The following A1CF variants were observed in gnomAD, a reference collection of about 807,000 sequenced individuals.
The protein encoded by A1CF is APOBEC1 complementation factor, also known as APOBEC-1 stimulating protein.
A neutral mutation model predicts 68.9 loss-of-function variants in A1CF; 48 were observed. The observed-to-expected ratio is 0.70, with a 90% CI of 0.55 to 0.89. The LOEUF is 0.89. A1CF is among the 40% of genes least tolerant of loss of function. The probability of loss-of-function intolerance (pLI) is 0.00; values close to 1 mark genes in which losing one functional copy is unlikely to be tolerated. For missense variants in A1CF, 653 were observed against 718.9 expected, an observed-to-expected ratio of 0.91 and a Z score of 1.05; for synonymous variants, 272 against 260.4, an observed-to-expected ratio of 1.04 and a Z score of -0.43.
At chr10:50,811,773 T>C (rs1029079791) in intron 10 of A1CF, among the ~76,000 whole-genome samples, 1 of 152,226 alleles carries the variant, frequency 6.6e-6, no homozygotes, top group African/African-American at 2.4e-5. Flanking sequence ...TTTTTTTGCT[T>C]AATGACAATA....
chr10:50,842,668 T>A (rs1839835498), intron 4 of A1CF, among the ~76,000 whole-genome samples: 1 of 152,174 alleles, frequency 6.6e-6, no homozygotes, highest in Non-Finnish European at 1.5e-5. Context: ...TCCTCTGAAA[T>A]CTCCATAGTT....
chr10:50,867,511 G>T (rs1841048689), intron 1 of A1CF, among the ~76,000 whole-genome samples: 1 of 152,162 alleles, frequency 6.6e-6, no homozygotes. Context: ...AGAGTGAAAT[G>T]ATAGACAATG....
At chr10:50,810,569 G>A (rs1838058037) in intron 11 of A1CF, among the ~76,000 whole-genome samples, 1 of 152,146 alleles carries the variant, frequency 6.6e-6, no homozygotes, top group South Asian at 2.1e-4. Context: ...CCACCTCTCA[G>A]GTTCAAGTGA....
chr10:50,881,076 G>A (rs1292113743), intron 1 of A1CF, among the ~76,000 whole-genome samples: 3 of 151,050 alleles, frequency 2.0e-5, no homozygotes, highest in African/African-American at 4.9e-5. Context: ...TGCAACCTTC[G>A]CCTCCTGGGT....
At position 50,828,144 on chromosome 10, in the gene A1CF, G is replaced by A; in HGVS notation, c.756C>T (p.Asn252=). 1.3e-6 allele frequency: 2 copies of A among 1,587,712 alleles called. No individual in the cohort carries two copies. The highest frequency in any genetic ancestry group is 1.7e-6 in the Non-Finnish European group (2 of 1,162,424). The change falls in exon 7 of 13, where the codon AAC becomes AAT. Residue 252 remains asparagine (N), a synonymous_variant. Transcript: ENST00000373997. ...TSEEMIEKEF[N]NIKPGAVERV... is the part of the protein sequence containing the mutation. ...TATATGTCCTACCTGGTTTGATATTGTTGAATTCCTTTTCAATCATCTCTT... is the reference window on the plus strand; with the variant it reads ...TATATGTCCTACCTGGTTTGATATTATTGAATTCCTTTTCAATCATCTCTT...
chr10:50,830,224 G>A (rs569242957), intron 6 of A1CF, among the ~76,000 whole-genome samples: 1 of 152,004 alleles, frequency 6.6e-6, no homozygotes, highest in Non-Finnish European at 1.5e-5. Context: ...TCTACACTCT[G>A]CTTATATGAA....
chr10:50,812,846 G>T (rs1838183043), intron 10 of A1CF, among the ~76,000 whole-genome samples: 1 of 152,198 alleles, frequency 6.6e-6, no homozygotes, highest in Non-Finnish European at 1.5e-5. Context: ...GTGAACAAAT[G>T]ATTGCTGTTT....
At chr10:50,821,483 G>A (rs772543468) in intron 7 of A1CF, among the ~76,000 whole-genome samples, 3 of 151,934 alleles carry the variant, frequency 2.0e-5, no homozygotes, top group African/African-American at 4.8e-5. Flanking sequence ...ATACCAACAC[G>A]AAGGAGTCTA....
At chr10:50,865,520 T>C (rs1840947644) in intron 1 of A1CF, among the ~76,000 whole-genome samples, 1 of 152,202 alleles carries the variant, frequency 6.6e-6, no homozygotes, top group Non-Finnish European at 1.5e-5. Flanking sequence ...AGGCAGAATT[T>C]CAAAACCAAC....
Position 50,799,483 on chromosome 10 carries a change from A to G in A1CF, c.*7246T>C, listed in dbSNP as rs1220284702. 3 of 152,194 alleles carry G rather than the reference A, an allele frequency of 2.0e-5. No homozygotes were observed. Among genetic ancestry groups the G allele is most frequent in the Non-Finnish European group, 2.9e-5 (2 of 68,016 alleles). The allele number at this position is 152,194 out of a possible 1,614,324, so 9.4% of individuals were successfully genotyped here. On this transcript the variant is annotated 3_prime_UTR_variant, in exon 13 of 13. Coordinates refer to ENST00000373997, the MANE Select transcript of A1CF (RefSeq NM_014576.4). ...AATTGCATCATCCAGGAATTATACA[A>G]TATTGCATTGTCTCTCATTTCATGT...
At position 50,802,142 on chromosome 10, in the gene A1CF, A is replaced by G. The variant is rs1837624722; in HGVS notation, c.*4587T>C. 1 of 152,176 alleles carries G rather than the reference A, an allele frequency of 6.6e-6. No individual in the cohort carries two copies. Among genetic ancestry groups the G allele is most frequent in the African/African-American group, 2.4e-5 (1 of 41,452 alleles). The allele number at this position is 152,176 out of a possible 1,614,324, so 9.4% of individuals were successfully genotyped here. A position where few individuals can be genotyped will look rare whatever the true frequency, so the allele number is the denominator to read the frequency against. On this transcript the variant is annotated 3_prime_UTR_variant, in exon 13 of 13. Coordinates refer to ENST00000373997, the MANE Select transcript of A1CF (RefSeq NM_014576.4). ...GAGTCAGAAAAATCTCATTTTCCTT[A>G]GTTTCACTCATTATAGCGCAACTTA...
intron 4 of A1CF, among the ~76,000 whole-genome samples, chr10:50,842,629 T>G (rs1250805424): frequency 6.6e-6 from 1 of 152,206 alleles, no homozygotes; most frequent in Non-Finnish European, 1.5e-5. Context: ...TGCAATTTTT[T>G]GATGTATATG....
At chr10:50,822,412 A>T (rs1029761147) in intron 7 of A1CF, among the ~76,000 whole-genome samples, 28 of 152,290 alleles carry the variant, frequency 1.8e-4, no homozygotes, top group African/African-American at 6.7e-4. Context: ...GGAAAAGAAG[A>T]GGGGGAAGTC....
At chr10:50,811,461 T>C (rs1564493948) in intron 10 of A1CF, among the ~76,000 whole-genome samples, 1 of 152,224 alleles carries the variant, frequency 6.6e-6, no homozygotes, top group Non-Finnish European at 1.5e-5. Context: ...ATTTTATGAT[T>C]TGTTTGGAAT....
intron 1 of A1CF, among the ~76,000 whole-genome samples, chr10:50,867,185 A>C (rs1361610762): frequency 6.6e-6 from 1 of 152,134 alleles, no homozygotes; most frequent in Non-Finnish European, 1.5e-5. Context: ...TATCCAAAGG[A>C]AAAGAAATCA....
Position 50,809,791 on chromosome 10 carries a change from C to T in A1CF, c.1609+103G>A, listed in dbSNP as rs148224951. On this transcript the variant is annotated intron_variant, in intron 12 of 12. Transcript: ENST00000373997. ...TCCCAAGGTTGTGCAAGTCAGATTGCTGTAAGTAGGGTACACAAACATTTC... is the reference window on the plus strand; with the variant it reads ...TCCCAAGGTTGTGCAAGTCAGATTGTTGTAAGTAGGGTACACAAACATTTC... The T allele has an allele frequency of 7.0e-4, 1,059 of 1,511,434 alleles. 4 individuals carry two copies. The African/African-American group carries it at 0.013, about 18-fold the overall frequency. The allele number at this position is 1,511,434 out of a possible 1,614,324, so 93.6% of individuals were successfully genotyped here.
In A1CF at chr10:50,844,088, GGT is replaced by G; in HGVS notation, c.132_133del (p.Pro45TrpfsTer8). On this transcript the variant is annotated frameshift_variant, in exon 4 of 13. Transcript: ENST00000373997. LOFTEE classifies it high-confidence loss of function. The stretch of plus-strand genomic sequence containing the variant: ...TTCAGGGGGTGCAGCATCCCAACCA[GGT>G]GGAGGGCCACCATATTTTCTTTGTC... 6.2e-7 allele frequency: 1 copy of G among 1,612,272 alleles called. No individual in the cohort carries two copies. Among genetic ancestry groups the G allele is most frequent in the African/African-American group, 1.3e-5 (1 of 74,850 alleles).
rs1250556182 is a variant in A1CF, at chr10:50,847,453, C to A, written c.100-3331G>T. ...CCTATCACAGATATTTCAAGTCCTTCATGATGAAGCCATTGAGTCTTCAAG... is the reference window on the plus strand; with the variant it reads ...CCTATCACAGATATTTCAAGTCCTTAATGATGAAGCCATTGAGTCTTCAAG... On this transcript the variant is annotated intron_variant, in intron 3 of 12. Transcript: ENST00000373997. 1.3e-5 allele frequency among the ~76,000 whole-genome samples: 2 copies of A among 152,166 alleles called. 1 individual carries two copies. The highest frequency in any genetic ancestry group is 3.9e-4 in the East Asian group (2 of 5,194).
At chr10:50,849,755 G>T (rs375837691) in intron 3 of A1CF, among the ~76,000 whole-genome samples, 144 of 145,974 alleles carry the variant, frequency 9.9e-4, no homozygotes, top group African/African-American at 3.3e-3. Flanking sequence ...TAACATAAAC[G>T]ACTAAAAATA....
Sources: gnomAD v4.1 joint callset for allele counts (sites outside exome capture counted in the v4.1 genomes callset) on GRCh38, gnomAD v4.1.1 for gene constraint, MANE v1.5 for transcripts, NCBI Gene and HGNC (gene_info 2026-07-23, HGNC 2026-07-21) for gene names.